EYS: variants seen among roughly 807,000 people sequenced by gnomAD.
EYS encodes the protein protein eyes shut homolog.
In EYS, 250 loss-of-function variants were observed where a neutral mutation model predicts 282.1. The ratio of observed to expected loss-of-function variants is 0.89; its 90% CI spans 0.80 to 0.98. The LOEUF (loss-of-function observed/expected upper bound fraction) is 0.98. Among genes scored for constraint, EYS ranks in the 50% least tolerant of loss-of-function variants. EYS has a pLI of 0.00. For synonymous variants in EYS, 1,355 were observed against 1,282.9 expected, an observed-to-expected ratio of 1.06 and a Z score of -1.20; for missense variants, 4,016 against 3,709.0, an observed-to-expected ratio of 1.08 and a Z score of -2.15.
At chr6:65,637,861 C>T (rs1045654583) in intron 2 of EYS, among the ~76,000 whole-genome samples, 1 of 152,074 alleles carries the variant, frequency 6.6e-6, no homozygotes, top group Non-Finnish European at 1.5e-5. Context: ...GCCTGCAGCA[C>T]CCCTCAACAC....
intron 24 of EYS, among the ~76,000 whole-genome samples, chr6:64,610,027 A>T (rs1474475042): frequency 6.6e-6 from 1 of 152,106 alleles, no homozygotes; most frequent in Non-Finnish European, 1.5e-5. Context: ...AGGAAAGAAC[A>T]CTGATCTACC....
chr6:65,555,911 GTCAA>G (rs1314218832), intron 2 of EYS, among the ~76,000 whole-genome samples: 3 of 152,100 alleles, frequency 2.0e-5, no homozygotes, highest in Non-Finnish European at 4.4e-5. Flanking sequence ...ATATATTGGA[GTCAA>G]TCAAATATAT....
intron 40 of EYS, 100 bp downstream of exon 40, chr6:63,777,906 C>T (rs1383112265): frequency 6.3e-6 from 7 of 1,113,306 alleles, no homozygotes; most frequent in African/African-American, 1.6e-5. Context: ...ATATGTGCAT[C>T]TGTTTGTGTT....
rs184197563 is a variant in EYS, at chr6:65,583,980, T to A, written c.-333+55798A>T. On this transcript the variant is annotated intron_variant, in intron 2 of 42. Coordinates refer to ENST00000503581, the MANE Select transcript of EYS (RefSeq NM_001142800.2). Reference sequence around the variant, plus strand: ...TATTACTTAAAATAAAAAAAAAAAATTTCAGACTACAGAAAATTAAAGCAG... The same window carrying A: ...TATTACTTAAAATAAAAAAAAAAAAATTCAGACTACAGAAAATTAAAGCAG... 2.8e-3 allele frequency among the ~76,000 whole-genome samples: 430 copies of A among 151,338 alleles called. 3 individuals carry two copies. The highest frequency in any genetic ancestry group is 9.5e-3 in the African/African-American group (392 of 41,256).
At chr6:65,164,005 A>G (rs1412876212) in intron 12 of EYS, among the ~76,000 whole-genome samples, 1 of 151,260 alleles carries the variant, frequency 6.6e-6, no homozygotes, top group Non-Finnish European at 1.5e-5. Context: ...CCATTTCCCC[A>G]TATTATTATA....
At chr6:64,997,208 G>T (rs1562293492) in intron 14 of EYS, among the ~76,000 whole-genome samples, 1 of 152,120 alleles carries the variant, frequency 6.6e-6, no homozygotes, top group Non-Finnish European at 1.5e-5. Flanking sequence ...TAATGATAAT[G>T]AAATACATGT....
intron 12 of EYS, among the ~76,000 whole-genome samples, chr6:65,243,093 TGATTTGCAACAAAAAA>T (rs2150277148): frequency 1.4e-5 from 1 of 69,688 alleles, no homozygotes; most frequent in Admixed American, 1.2e-4. Flanking sequence ...AAAAATAAAC[TGATTTGCAACAAAAAA>T]TAAACTTAAT....
chr6:65,554,132 T>A (rs1177801531), intron 2 of EYS, among the ~76,000 whole-genome samples: 6 of 152,146 alleles, frequency 3.9e-5, no homozygotes, highest in African/African-American at 1.4e-4. Flanking sequence ...CAGGATCCTA[T>A]CGTCCTGTCA....
chr6:64,634,261 C>T (rs1393684748), intron 22 of EYS, among the ~76,000 whole-genome samples: 3 of 152,118 alleles, frequency 2.0e-5, no homozygotes, highest in Non-Finnish European at 2.9e-5. Flanking sequence ...GGATTACAGG[C>T]GTGAGCCACC....
intron 39 of EYS, among the ~76,000 whole-genome samples, chr6:63,787,623 A>G (rs1770398903): frequency 6.6e-6 from 1 of 152,202 alleles, no homozygotes; most frequent in South Asian, 2.1e-4. Context: ...AAAACATCCT[A>G]AACATCTAGT....
chr6:64,569,250 A>G (rs150048478), intron 26 of EYS, among the ~76,000 whole-genome samples: 1 of 151,978 alleles, frequency 6.6e-6, no homozygotes, highest in South Asian at 2.1e-4. Flanking sequence ...CCTTGAAAAA[A>G]GGTTAGCGGG....
intron 11 of EYS, among the ~76,000 whole-genome samples, chr6:65,314,805 TTCTGAAGG>T (rs1769257093): frequency 1.3e-5 from 2 of 152,228 alleles, no homozygotes; most frequent in South Asian, 4.1e-4. Context: ...TGGAATAAGT[TTCTGAAGG>T]TCTGTTTATC....
At chr6:63,758,312 CAT>C (rs909493178) in intron 41 of EYS, among the ~76,000 whole-genome samples, 18 of 152,132 alleles carry the variant, frequency 1.2e-4, no homozygotes, top group African/African-American at 4.1e-4. Flanking sequence ...ATATAGAAAA[CAT>C]TATCTTTTTA....
chr6:64,567,902 G>C (rs2149815539), intron 26 of EYS, among the ~76,000 whole-genome samples: 1 of 152,220 alleles, frequency 6.6e-6, no homozygotes, highest in East Asian at 1.9e-4. Flanking sequence ...TTATGTTTTG[G>C]ACAACAGACT....
intron 22 of EYS, among the ~76,000 whole-genome samples, chr6:64,703,253 A>G (rs1301554914): frequency 6.6e-6 from 1 of 151,166 alleles, no homozygotes; most frequent in African/African-American, 2.4e-5. Context: ...ACATAGCTAA[A>G]TGTTATCTTA....
At chr6:63,908,036 T>TTGTGTG (rs59753065) in intron 35 of EYS, among the ~76,000 whole-genome samples, 7 of 79,326 alleles carry the variant, frequency 8.8e-5, no homozygotes, top group South Asian at 4.5e-4. Context: ...ATATATACGT[T>TTGTGTG]TGTGTGTGTG....
chr6:64,560,378 G>T (rs920646978), intron 26 of EYS, among the ~76,000 whole-genome samples: 2 of 151,672 alleles, frequency 1.3e-5, no homozygotes, highest in African/African-American at 4.8e-5. Context: ...ATCTATTATA[G>T]ATAATCTGAA....
chr6:63,903,621 C>T (rs543809521), intron 35 of EYS, among the ~76,000 whole-genome samples: 3 of 152,256 alleles, frequency 2.0e-5, no homozygotes, highest in African/African-American at 4.8e-5. Flanking sequence ...CCCCCTACCC[C>T]GCTACACTTA....
At chr6:65,000,963 GC>G (rs568223226) in intron 13 of EYS, among the ~76,000 whole-genome samples, 48 of 152,330 alleles carry the variant, frequency 3.2e-4, no homozygotes, top group African/African-American at 1.1e-3. Context: ...GGTGTGGCTG[GC>G]CTGCTCAGTT....
Sources: allele counts gnomAD v4.1 joint callset (sites outside exome capture counted in the v4.1 genomes callset), GRCh38; gene constraint gnomAD v4.1.1; transcripts MANE v1.5; gene names NCBI Gene and HGNC (gene_info 2026-07-23, HGNC 2026-07-21).